The following DZIP3 variants were observed in gnomAD, a reference collection of about 807,000 sequenced individuals.
DZIP3 encodes DAZ interacting zinc finger protein 3.
DZIP3 carries 118 observed loss-of-function variants against 162.0 expected under a neutral mutation model. The observed-to-expected ratio is 0.73, with a 90% CI of 0.63 to 0.85. DZIP3 has a LOEUF of 0.85. Among genes scored for constraint, DZIP3 ranks in the 40% least tolerant of loss-of-function variants. The pLI, the probability that DZIP3 is intolerant of heterozygous loss-of-function variation, is 0.00. For missense variants in DZIP3, 1,331 were observed against 1,407.0 expected (o/e 0.95, Z 0.86); for synonymous variants, 438 against 458.6 (o/e 0.96, Z 0.57).
At chr3:108,669,346 T>A (rs1159051474) in intron 21 of DZIP3, among the ~76,000 whole-genome samples, 1 of 151,890 alleles carries the variant, frequency 6.6e-6, no homozygotes, top group Non-Finnish European at 1.5e-5. Context: ...GAAGATACCA[T>A]CTCTGTTTTC....
In DZIP3 at chr3:108,644,177, C is replaced by A. The variant is rs1263507872; in HGVS notation, c.1155C>A (p.Ile385=). The A allele has an allele frequency of 1.3e-6, 2 of 1,598,538 alleles. No homozygotes were observed. The highest frequency in any genetic ancestry group is 2.7e-5 in the African/African-American group (2 of 74,088). The change falls in exon 14 of 33, where the codon ATC becomes ATA. Residue 385 remains isoleucine, a synonymous_variant. Transcript: ENST00000361582. ...ATTTATTTTCAGATGAAATGCCTATCTTCAAGCTTGATTATAATTATTTCT... is the reference window on the plus strand; with the variant it reads ...ATTTATTTTCAGATGAAATGCCTATATTCAAGCTTGATTATAATTATTTCT... ...LKFNTKDEMP[I]FKLDYNYFYH...
chr3:108,643,833 C>T (rs773804587), intron 13 of DZIP3, among the ~76,000 whole-genome samples: 1 of 151,916 alleles, frequency 6.6e-6, no homozygotes, highest in African/African-American at 2.4e-5. Context: ...GCATTCTTGG[C>T]AAATTTCAGA....
At chr3:108,625,655 T>TAA (rs2107568798) in intron 6 of DZIP3, among the ~76,000 whole-genome samples, 190 bp from the exon 7 acceptor site, 1 of 152,300 alleles carries the variant, frequency 6.6e-6, no homozygotes, top group Admixed American at 6.5e-5. Context: ...AATAAATATT[T>TAA]TAAACACTGA....
chr3:108,637,947 G>A (rs1319496413), intron 12 of DZIP3, among the ~76,000 whole-genome samples: 1 of 152,122 alleles, frequency 6.6e-6, no homozygotes, highest in African/African-American at 2.4e-5. Context: ...ATTTGATAAA[G>A]CTAGAATTAA....
chr3:108,598,247 T>C (rs1939808828), intron 1 of DZIP3, among the ~76,000 whole-genome samples: 1 of 152,174 alleles, frequency 6.6e-6, no homozygotes, highest in Non-Finnish European at 1.5e-5. Flanking sequence ...TTGCAGTTGG[T>C]AAAATTTGGG....
chr3:108,626,831 A>G (rs1381682351), intron 7 of DZIP3, among the ~76,000 whole-genome samples: 1 of 152,218 alleles, frequency 6.6e-6, no homozygotes, highest in Non-Finnish European at 1.5e-5. Flanking sequence ...GGTTCTGGGA[A>G]TCAGAAGTCT....
rs895560692 is a variant in DZIP3, at chr3:108,672,496, G to C, written c.2493-64G>C. 3.0e-6 allele frequency: 4 copies of C among 1,321,478 alleles called. No homozygotes were observed. The African/African-American group carries it at 5.9e-5, about 19-fold the overall frequency. 81.9% of individuals were successfully genotyped at this position (1,321,478 alleles called of 1,614,324 possible). ...TGTATAACTTATCTTTCTTCCTCCT[G>C]AATTAGATGAAAAAGGCTCTGCTTG... On this transcript the variant is annotated intron_variant, in intron 22 of 32. Coordinates refer to ENST00000361582, the MANE Select transcript of DZIP3 (RefSeq NM_014648.4).
intron 1 of DZIP3, among the ~76,000 whole-genome samples, chr3:108,594,456 T>C: frequency 8.4e-6 from 1 of 119,022 alleles, no homozygotes; most frequent in Middle Eastern, 5.1e-3. Flanking sequence ...TATATATAAC[T>C]TTCAAGTTTG....
intron 22 of DZIP3, among the ~76,000 whole-genome samples, chr3:108,670,804 C>T (rs1301693912): frequency 6.6e-6 from 1 of 151,788 alleles, no homozygotes; most frequent in Non-Finnish European, 1.5e-5. Context: ...TGTTAGATTA[C>T]GTCTTTATTT....
chr3:108,601,271 G>T (rs1308407554), intron 1 of DZIP3, among the ~76,000 whole-genome samples: 1 of 152,122 alleles, frequency 6.6e-6, no homozygotes, highest in Non-Finnish European at 1.5e-5. Context: ...GTGGGTGTGG[G>T]TGTGTGTTGG....
intron 4 of DZIP3, among the ~76,000 whole-genome samples, chr3:108,613,969 A>G (rs1559726901): frequency 6.6e-6 from 1 of 152,304 alleles, no homozygotes; most frequent in East Asian, 1.9e-4. Context: ...ATCTTGTGTT[A>G]TTAGATAAAG....
At chr3:108,647,231 C>T (rs553877014) in intron 15 of DZIP3, among the ~76,000 whole-genome samples, 76 of 152,124 alleles carry the variant, frequency 5.0e-4, no homozygotes, top group Non-Finnish European at 9.1e-4. Flanking sequence ...TGGTGTTTAG[C>T]GTGTATAACT....
rs1160079648 is a variant in DZIP3 at position 108,646,785 on chromosome 3, A to G, written c.1792+136A>G. On this transcript the variant is annotated intron_variant, in intron 15 of 32. Transcript: ENST00000361582. ...GGGCCAGGCGCAGTGGCTCACGCCT[A>G]TAATCCCTGTACTTTGGGAGGCTGA... The G allele has an allele frequency of 2.0e-5, 12 of 609,742 alleles. No individual in the cohort carries two copies. The Middle Eastern group carries it at 1.4e-3, about 72-fold the overall frequency. The allele number at this position is 609,742 out of a possible 1,614,324, so 37.8% of individuals were successfully genotyped here.
intron 2 of DZIP3, 41 bp from the exon 3 acceptor site, chr3:108,608,048 G>A (rs1482067474): frequency 6.7e-7 from 1 of 1,497,806 alleles, no homozygotes. Flanking sequence ...TGTTCTTTGT[G>A]AGAAGATGCT....
intron 5 of DZIP3, among the ~76,000 whole-genome samples, chr3:108,618,964 G>C (rs1941173606): frequency 1.3e-5 from 2 of 149,778 alleles, no homozygotes; most frequent in Admixed American, 6.7e-5. Flanking sequence ...AGGAGGCTGA[G>C]GCAGGAGAAT....
intron 21 of DZIP3, among the ~76,000 whole-genome samples, chr3:108,664,266 A>G (rs1272371241): frequency 6.6e-6 from 1 of 152,188 alleles, no homozygotes; most frequent in Admixed American, 6.5e-5. Flanking sequence ...AATTATAACA[A>G]TAGAAAGGCT....
intron 17 of DZIP3, among the ~76,000 whole-genome samples, chr3:108,649,911 A>C (rs1025726161): frequency 5.9e-5 from 9 of 151,986 alleles, no homozygotes; most frequent in African/African-American, 2.2e-4. Flanking sequence ...AGACATGAGT[A>C]TGGAGATTTT....
At chr3:108,620,141 G>A (rs1226059515) in intron 5 of DZIP3, among the ~76,000 whole-genome samples, 1 of 152,242 alleles carries the variant, frequency 6.6e-6, no homozygotes, top group East Asian at 1.9e-4. Context: ...TCCCTTCCAT[G>A]AGAAGCTACA....
intron 21 of DZIP3, among the ~76,000 whole-genome samples, chr3:108,664,999 A>G (rs1460427921): frequency 1.4e-4 from 21 of 152,166 alleles, no homozygotes; most frequent in Admixed American, 1.4e-3. Context: ...TTATGCCTCA[A>G]CAGGAGACTG....
Sources: gnomAD v4.1 joint callset for allele counts (sites outside exome capture counted in the v4.1 genomes callset) on GRCh38, gnomAD v4.1.1 for gene constraint, MANE v1.5 for transcripts, NCBI Gene and HGNC (gene_info 2026-07-23, HGNC 2026-07-21) for gene names.